Variants in RNF115 observed in about 807,000 individuals in gnomAD.
RNF115 encodes the protein ring finger protein 115.
RNF115 carries 31 observed loss-of-function variants against 39.2 expected under a neutral mutation model. The observed-to-expected ratio is 0.79, with a 90% CI of 0.59 to 1.07. RNF115 has a LOEUF of 1.07. Ranked by LOEUF, RNF115 falls within the 50% of genes least tolerant of loss-of-function variation. The probability of loss-of-function intolerance (pLI) is 0.00; values close to 1 mark genes in which losing one functional copy is unlikely to be tolerated. For synonymous variants in RNF115, 124 were observed against 131.0 expected, an observed-to-expected ratio of 0.95 and a Z score of 0.37; for missense variants, 384 against 381.7, an observed-to-expected ratio of 1.01 and a Z score of -0.05.
At chr1:145,802,225 T>G (rs908269368) in intron 1 of RNF115, among the ~76,000 whole-genome samples, 2 of 152,206 alleles carry the variant, frequency 1.3e-5, no homozygotes, top group African/African-American at 4.8e-5. Context: ...AAAAGATTAC[T>G]GTAAACAACT....
chr1:145,749,455 C>T (rs1423369295), intron 7 of RNF115, among the ~76,000 whole-genome samples: 3 of 152,198 alleles, frequency 2.0e-5, no homozygotes, highest in Non-Finnish European at 4.4e-5. Flanking sequence ...CACCTCATCT[C>T]CTTACCCAAA....
chr1:145,797,257 T>C (rs587769302), intron 1 of RNF115, among the ~76,000 whole-genome samples: 1 of 152,288 alleles, frequency 6.6e-6, no homozygotes, highest in African/African-American at 2.4e-5. Flanking sequence ...GAGACTGAGT[T>C]ACCCTCTCCT....
rs1033332843 is a variant in RNF115, at chr1:145,765,096, G to C, written c.428+6615C>G. Among the ~76,000 whole-genome samples, 67 of 152,330 alleles carry C rather than the reference G, an allele frequency of 4.4e-4. 1 individual carries two copies. Among genetic ancestry groups the C allele is most frequent in the African/African-American group, 1.3e-3 (52 of 41,578 alleles). On this transcript the variant is annotated intron_variant, in intron 4 of 8. Coordinates refer to ENST00000582693, the MANE Select transcript of RNF115 (RefSeq NM_014455.4). ...ACTAAGAAAAATTCTTCTGCCTTGG[G>C]ATGCTGTTGATCTATGACCTTACCC... is the stretch of plus-strand genomic sequence containing the variant.
intron 4 of RNF115, among the ~76,000 whole-genome samples, chr1:145,769,294 A>G (rs911245183): frequency 6.6e-6 from 1 of 152,216 alleles, no homozygotes; most frequent in Admixed American, 6.5e-5. Flanking sequence ...ACATGGTTAT[A>G]GTGAGGATTA....
intron 4 of RNF115, among the ~76,000 whole-genome samples, chr1:145,757,716 A>G (rs1553713388): frequency 6.6e-6 from 1 of 152,174 alleles, no homozygotes. Context: ...TGAACCAGCA[A>G]CTTCTTTGTG....
intron 3 of RNF115, among the ~76,000 whole-genome samples, chr1:145,775,214 C>T (rs1457288718): frequency 6.6e-6 from 1 of 152,140 alleles, no homozygotes; most frequent in Non-Finnish European, 1.5e-5. Flanking sequence ...TTACAGTGAG[C>T]TATACAGAAC....
At chr1:145,799,583 A>C (rs1469428864) in intron 1 of RNF115, among the ~76,000 whole-genome samples, 1 of 113,954 alleles carries the variant, frequency 8.8e-6, no homozygotes, top group Non-Finnish European at 1.6e-5. Context: ...TGAGATGTTC[A>C]CTGTGGGCTT....
chr1:145,777,642 TG>T lies in RNF115; in HGVS notation c.220-5724del, dbSNP rs368164109. Among the ~76,000 whole-genome samples the T allele has an allele frequency of 5.1e-4, 78 of 151,862 alleles. 1 individual carries two copies. Among genetic ancestry groups the T allele is most frequent in the Middle Eastern group, 6.3e-3 (2 of 316 alleles). ...AAAAAAATAGCTCATACAACAAAACTGGGTATTCAGGACACAGCTTACATAA... is the reference window on the plus strand; with the variant it reads ...AAAAAAATAGCTCATACAACAAAACTGGTATTCAGGACACAGCTTACATAA... On this transcript the variant is annotated intron_variant, in intron 3 of 8. Transcript: ENST00000582693.
chr1:145,823,974 G>A lies in RNF115; in HGVS notation c.-101C>T. The stretch of plus-strand genomic sequence containing the variant: ...TCGTCGCCGCCGCCGCCGCCTCGGT[G>A]CGGCCCACCGCTTCAGAGCCCGCGT... On this transcript the variant is annotated 5_prime_UTR_variant, in exon 1 of 9. Coordinates refer to ENST00000582693, the MANE Select transcript of RNF115 (RefSeq NM_014455.4). The A allele has an allele frequency of 1.2e-6, 1 of 833,234 alleles. No homozygotes were observed. Among genetic ancestry groups the A allele is most frequent in the South Asian group, 2.3e-5 (1 of 44,432 alleles). The allele number at this position is 833,234 out of a possible 1,614,324, so 51.6% of individuals were successfully genotyped here. A position where few individuals can be genotyped will look rare whatever the true frequency, so the allele number is the denominator to read the frequency against.
chr1:145,748,331 G>A (rs1156408977), intron 7 of RNF115, among the ~76,000 whole-genome samples: 3 of 152,124 alleles, frequency 2.0e-5, no homozygotes, highest in Admixed American at 2.0e-4. Context: ...AATGATGAAT[G>A]GGGCCTACTC....
chr1:145,787,439 G>A (rs961056242), intron 2 of RNF115, among the ~76,000 whole-genome samples: 18 of 151,020 alleles, frequency 1.2e-4, no homozygotes, highest in Non-Finnish European at 2.7e-4. Context: ...AAGCGTGGTG[G>A]TGCATGCCTG....
At position 145,743,123 on chromosome 1, in the gene RNF115, G is replaced by GATGCC. The variant is rs1486198349; in HGVS notation, c.*3738_*3742dup. On this transcript the variant is annotated 3_prime_UTR_variant, in exon 9 of 9. Transcript: ENST00000582693. ...ATGTGTCAACTTGACTAGGCCACAT[G>GATGCC]ATGCCCAGATATTTGGTCATACAGT... The GATGCC allele has an allele frequency of 6.6e-6, 1 of 152,228 alleles. No homozygotes were observed. The highest frequency in any genetic ancestry group is 2.4e-5 in the African/African-American group (1 of 41,436). The allele number at this position is 152,228 out of a possible 1,614,324, so 9.4% of individuals were successfully genotyped here.
At chr1:145,754,775 C>T (rs1209168599) in intron 4 of RNF115, among the ~76,000 whole-genome samples, 2 of 152,224 alleles carry the variant, frequency 1.3e-5, no homozygotes. Flanking sequence ...ATTCTATTCT[C>T]TGCTTCTATG....
rs1553715808 is a variant in RNF115, at chr1:145,771,800, G to C, written c.339C>G (p.Phe113Leu). Residue 113 changes from phenylalanine (F) to leucine (L), a missense_variant, in exon 4 of 9, where the codon TTC (phenylalanine) becomes TTG (leucine). Coordinates refer to ENST00000582693, the MANE Select transcript of RNF115 (RefSeq NM_014455.4). ...NERGHQTHTD[F>L]WGARPPRLPL... ...GCAACCGTGGAGGTCTTGCTCCCCA[G>C]AAGTCAGTGTGAGTCTGGTGACCCC... The C allele has an allele frequency of 2.5e-6, 4 of 1,614,052 alleles. No homozygotes were observed. The highest frequency in any genetic ancestry group is 3.3e-5 in the Admixed American group (2 of 60,008).
intron 4 of RNF115, among the ~76,000 whole-genome samples, chr1:145,756,386 G>A (rs1553713158): frequency 1.3e-5 from 2 of 152,138 alleles, no homozygotes; most frequent in Admixed American, 1.3e-4. Flanking sequence ...CTTGAACCCA[G>A]GACACGGACG....
At chr1:145,780,215 G>A (rs991069684) in intron 3 of RNF115, among the ~76,000 whole-genome samples, 6 of 151,842 alleles carry the variant, frequency 4.0e-5, no homozygotes, top group Admixed American at 1.3e-4. Flanking sequence ...GCAACAGAGC[G>A]AGACCCCGTC....
In RNF115 at chr1:145,746,855, G is replaced by T. The variant is rs782443304; in HGVS notation, c.*11C>A. On this transcript the variant is annotated 3_prime_UTR_variant, in exon 9 of 9. Transcript: ENST00000582693. ...ATTACCACAGCCCTGATTCAGGTGT[G>T]GTCTTTAGCTTCAGAAAGTCCATCG... 9.3e-6 allele frequency: 15 copies of T among 1,613,556 alleles called. No homozygotes were observed. Among genetic ancestry groups the T allele is most frequent in the Middle Eastern group, 1.7e-4 (1 of 6,060 alleles).
chr1:145,755,783 TAAGAA>T lies in RNF115; in HGVS notation c.429-2739_429-2735del, dbSNP rs375775031. ...TTTGAGGAAGTTAAAGGTGAGAGAT[TAAGAA>T]AAGGCAGAAAAAATCTGATTAGAAA... On this transcript the variant is annotated intron_variant, in intron 4 of 8. Coordinates refer to ENST00000582693, the MANE Select transcript of RNF115 (RefSeq NM_014455.4). Among the ~76,000 whole-genome samples, 148 of 151,966 alleles carry T rather than the reference TAAGAA, an allele frequency of 9.7e-4. 3 individuals carry two copies. Among genetic ancestry groups the T allele is most frequent in the African/African-American group, 3.4e-3 (142 of 41,410 alleles).
At position 145,792,994 on chromosome 1, in the gene RNF115, G is replaced by A. The variant is rs151314435; in HGVS notation, c.103-4028C>T. Among the ~76,000 whole-genome samples the A allele has an allele frequency of 5.0e-3, 768 of 152,246 alleles. 10 individuals carry two copies. Among genetic ancestry groups the A allele is most frequent in the African/African-American group, 0.018 (735 of 41,514 alleles). On this transcript the variant is annotated intron_variant, in intron 1 of 8. Transcript: ENST00000582693. ...TACTCCTTCATCCCCTACCCTCCCAGAAAGCTGCAACTCCATCCCTTTCCC... is the reference window on the plus strand; with the variant it reads ...TACTCCTTCATCCCCTACCCTCCCAAAAAGCTGCAACTCCATCCCTTTCCC...
Sources: allele counts gnomAD v4.1 joint callset (sites outside exome capture counted in the v4.1 genomes callset), GRCh38; gene constraint gnomAD v4.1.1; transcripts MANE v1.5; gene names NCBI Gene and HGNC (gene_info 2026-07-23, HGNC 2026-07-21).